ZNF142: variants seen among roughly 807,000 people sequenced by gnomAD.
ZNF142 encodes zinc finger protein 142, also known as zinc finger protein 142 (clone pHZ-49).
In ZNF142, 96 loss-of-function variants were observed where a neutral mutation model predicts 132.1. The observed-to-expected ratio is 0.73, with a 90% confidence interval of 0.62 to 0.86. ZNF142 has a LOEUF of 0.86. Ranked by LOEUF, ZNF142 falls within the 40% of genes least tolerant of loss-of-function variation. The pLI is 0.00. For missense variants in ZNF142, 2,163 were observed against 2,336.2 expected (o/e 0.93, Z 1.53); for synonymous variants, 842 against 890.1 (o/e 0.95, Z 0.96).
Position 218,633,882 on chromosome 2 carries a change from A to G in ZNF142, c.*4457T>C, listed in dbSNP as rs1030922277. The G allele has an allele frequency of 1.0e-5, 13 of 1,295,480 alleles. No homozygotes were observed. Among genetic ancestry groups the G allele is most frequent in the Non-Finnish European group, 1.2e-5 (11 of 924,726 alleles). The allele number at this position is 1,295,480 out of a possible 1,614,324, so 80.2% of individuals were successfully genotyped here. A position where few individuals can be genotyped will look rare whatever the true frequency, so the allele number is the denominator to read the frequency against. On this transcript the variant is annotated 3_prime_UTR_variant, in exon 11 of 11. Transcript: ENST00000411696. ...GCTAAGGAGAGATGAAGGAGTTCAG[A>G]AACTCCTTAGAGCAGACAAGGGCAG...
In ZNF142 at chr2:218,642,638, G is replaced by A; in HGVS notation, c.4478C>T (p.Ala1493Val). The A allele has an allele frequency of 1.9e-6, 3 of 1,614,106 alleles. No individual in the cohort carries two copies. The highest frequency in any genetic ancestry group is 2.5e-6 in the Non-Finnish European group (3 of 1,180,042). ...AAGTGCTGTCTCTGAGCTGAACTGGGCTTCACACTGGGAGCAGGCAAAGGC... is the reference window on the plus strand; with the variant it reads ...AAGTGCTGTCTCTGAGCTGAACTGGACTTCACACTGGGAGCAGGCAAAGGC... ...TPAFACSQCE[A>V]QFSSETALKQ... Residue 1493 changes from alanine to valine, a missense_variant, in exon 9 of 11, where the codon GCC becomes GTC. Physicochemically the swap from Ala to Val is moderately conservative, Grantham distance 64. Around this residue, in one of 7 missense-constraint regions of ZNF142, gnomAD observed 809 missense variants for 801.7 expected, o/e 1.01. Transcript: ENST00000411696. The surrounding 1 kb of genome is among the most constrained non-coding windows in gnomAD (Gnocchi z 4.6).
Position 218,633,941 on chromosome 2 carries a change from G to C in ZNF142, c.*4398C>G. ...TGAATAGTGGCTCAAGGGTCTAGGG[G>C]CAGGAAAGCTGGTCTGGATGGACAG... On this transcript the variant is annotated 3_prime_UTR_variant, in exon 11 of 11. Transcript: ENST00000411696. The C allele has an allele frequency of 3.3e-6, 4 of 1,208,948 alleles. No homozygotes were observed. The highest frequency in any genetic ancestry group is 4.6e-6 in the Non-Finnish European group (4 of 863,708). 74.9% of individuals were successfully genotyped at this position (1,208,948 alleles called of 1,614,324 possible).
In ZNF142 at chr2:218,643,894, G is replaced by C. The variant is rs200060838; in HGVS notation, c.3222C>G (p.Ser1074Arg). Residue 1074 changes from serine (S) to arginine (R), a missense_variant, in exon 9 of 11, where the codon AGC (serine) becomes AGG (arginine). This residue lies in a region of ZNF142 where 809 missense variants were observed against 801.7 expected (regional missense o/e 1.01). Coordinates refer to ENST00000411696, the MANE Select transcript of ZNF142 (RefSeq NM_001379659.1). ...EPLLCPECGA[S>R]FKQQRGLSTH... ...TGCTGAGGCCGCGTTGTTGCTTGAAGCTAGCCCCACACTCGGGGCACAGCA... is the reference window on the plus strand; with the variant it reads ...TGCTGAGGCCGCGTTGTTGCTTGAACCTAGCCCCACACTCGGGGCACAGCA... 110 of 1,614,184 alleles carry C rather than the reference G, an allele frequency of 6.8e-5. No individual in the cohort carries two copies. The highest frequency in any genetic ancestry group is 9.1e-5 in the Non-Finnish European group (107 of 1,180,024).
Position 218,648,814 on chromosome 2 carries a change from CCCTGCTTCT to C in ZNF142, c.1685_1693del (p.Lys562_Gly565delinsSer), listed in dbSNP as rs758648543. 3.7e-6 allele frequency: 6 copies of C among 1,614,050 alleles called. No individual in the cohort carries two copies. The highest frequency in any genetic ancestry group is 5.1e-6 in the Non-Finnish European group (6 of 1,180,024). On this transcript the variant is annotated inframe_deletion, in exon 7 of 11. Transcript: ENST00000411696. ...GCGCAGCTCTTCACTGCCAGGGTGG[CCCTGCTTCT>C]TGTGTTTACGGAATAGGTGCTTATT...
In ZNF142 at chr2:218,633,530, G is replaced by T; in HGVS notation, c.*4809C>A. The stretch of plus-strand genomic sequence containing the variant: ...TGGGGAGGCAGTGGGCAGAGGTTTA[G>T]GTTGGATGGCCATTATCTTCTTCTC... On this transcript the variant is annotated 3_prime_UTR_variant, in exon 11 of 11. Transcript: ENST00000411696. 6.6e-7 allele frequency: 1 copy of T among 1,524,674 alleles called. No individual in the cohort carries two copies. Among genetic ancestry groups the T allele is most frequent in the East Asian group, 2.2e-5 (1 of 44,450 alleles). 94.4% of individuals were successfully genotyped at this position (1,524,674 alleles called of 1,614,324 possible).
chr2:218,646,045 A>G lies in ZNF142; in HGVS notation c.2051+126T>C, dbSNP rs4674320. The G allele has an allele frequency of 0.57, 741,196 of 1,310,808 alleles. 218,219 individuals carry two copies. The highest frequency in any genetic ancestry group is 0.82 in the East Asian group (35,427 of 42,958). 81.2% of individuals were successfully genotyped at this position (1,310,808 alleles called of 1,614,324 possible). A position where few individuals can be genotyped will look rare whatever the true frequency, so the allele number is the denominator to read the frequency against. On this transcript the variant is annotated intron_variant, in intron 8 of 10. Coordinates refer to ENST00000411696, the MANE Select transcript of ZNF142 (RefSeq NM_001379659.1). Reference sequence around the variant, plus strand: ...TGGGATTACAGGTGTGAGCCATTGCACCCGGCCTTAGGAGGAGACTCTCCA... The same window carrying G: ...TGGGATTACAGGTGTGAGCCATTGCGCCCGGCCTTAGGAGGAGACTCTCCA...
Position 218,642,139 on chromosome 2 carries a change from G to C in ZNF142, c.4977C>G (p.Tyr1659Ter). The part of the protein sequence containing the change: ...TRLYKCTDCA[Y>*]STKNRQKITW... ...TGATCTTCTGTCGGTTCTTGGTGCTGTAAGCACAATCGGTGCACTTGTAGA... is the reference window on the plus strand; with the variant it reads ...TGATCTTCTGTCGGTTCTTGGTGCTCTAAGCACAATCGGTGCACTTGTAGA... Residue 1659 changes from tyrosine (Y) to a stop codon, truncating the protein, a stop_gained, in exon 9 of 11, where the codon TAC becomes TAG. Coordinates refer to ENST00000411696, the MANE Select transcript of ZNF142 (RefSeq NM_001379659.1). LOFTEE classifies it high-confidence loss of function. The surrounding 1 kb of genome is among the most constrained non-coding windows in gnomAD (Gnocchi z 4.6). 1 of 1,614,188 alleles carries C rather than the reference G, an allele frequency of 6.2e-7. No homozygotes were observed. The highest frequency in any genetic ancestry group is 1.1e-5 in the South Asian group (1 of 91,088).
In ZNF142 at chr2:218,635,100, C is replaced by T. The variant is rs1559278736; in HGVS notation, c.*3239G>A. 6.6e-6 allele frequency among the ~76,000 whole-genome samples: 1 copy of T among 151,676 alleles called. No individual in the cohort carries two copies. Among genetic ancestry groups the T allele is most frequent in the Non-Finnish European group, 1.5e-5 (1 of 67,936 alleles). ...AATTTTGTAGAGACTCCCGTCTCTA[C>T]AAAAAATTTAAAAATTAGCCTGGCA... is the stretch of plus-strand genomic sequence containing the variant. On this transcript the variant is annotated 3_prime_UTR_variant, in exon 11 of 11. Transcript: ENST00000411696.
At position 218,643,020 on chromosome 2, in the gene ZNF142, C is replaced by T. The variant is rs1484103953; in HGVS notation, c.4096G>A (p.Gly1366Arg). The T allele has an allele frequency of 1.2e-6, 2 of 1,603,780 alleles. No individual in the cohort carries two copies. The highest frequency in any genetic ancestry group is 8.5e-7 in the Non-Finnish European group (1 of 1,174,588). Residue 1366 changes from glycine (G) to arginine (R), a missense_variant, in exon 9 of 11, where the codon GGG (glycine) becomes AGG (arginine). Physicochemically the swap from Gly to Arg is moderately radical, Grantham distance 125. Transcript: ENST00000411696. Reference sequence around the variant, plus strand: ...CCACACTGTAGATGGGGCCGGGGCCCACGGGCTGGGGCTGCAGTGGGGTGC... The same window carrying T: ...CCACACTGTAGATGGGGCCGGGGCCTACGGGCTGGGGCTGCAGTGGGGTGC... ...RRHPTAAPAR[G>R]PRPHLQCGDC...
At chr2:218,657,670 T>A (rs1938639128) in intron 3 of ZNF142, among the ~76,000 whole-genome samples, 1 of 152,126 alleles carries the variant, frequency 6.6e-6, no homozygotes, top group Non-Finnish European at 1.5e-5. Context: ...ACTCAGGTGA[T>A]CCACCTGCCT....
chr2:218,634,308 G>A lies in ZNF142; in HGVS notation c.*4031C>T, dbSNP rs994772432. 126 of 1,571,242 alleles carry A rather than the reference G, an allele frequency of 8.0e-5. No individual in the cohort carries two copies. Among genetic ancestry groups the A allele is most frequent in the Non-Finnish European group, 1.1e-4 (124 of 1,158,266 alleles). The stretch of plus-strand genomic sequence containing the variant: ...TCTAGTGATGGTAGGGTTGGGGAAT[G>A]CTCAAGAAAATTGCTAGGCTGAGAA... On this transcript the variant is annotated 3_prime_UTR_variant, in exon 11 of 11. Coordinates refer to ENST00000411696, the MANE Select transcript of ZNF142 (RefSeq NM_001379659.1). The surrounding 1 kb of genome is among the most constrained non-coding windows in gnomAD (Gnocchi z 4.0).
intron 4 of ZNF142, among the ~76,000 whole-genome samples, chr2:218,655,322 T>C (rs780351696): frequency 6.6e-6 from 1 of 152,188 alleles, no homozygotes; most frequent in Non-Finnish European, 1.5e-5. Context: ...GTCACTATAC[T>C]ACAGTGCCAA....
rs200582262 is a variant in ZNF142 at position 218,643,358 on chromosome 2, C to T, written c.3758G>A (p.Arg1253His). 1.1e-5 allele frequency: 17 copies of T among 1,614,224 alleles called. No individual in the cohort carries two copies. The highest frequency in any genetic ancestry group is 5.3e-5 in the African/African-American group (4 of 75,068). The change falls in exon 9 of 11, where the codon CGT becomes CAT. Residue 1253 changes from arginine to histidine, a missense_variant. Physicochemically the swap from Arg to His is conservative, Grantham distance 29. Transcript: ENST00000411696. Reference protein sequence around the residue: ...SHVAEGCRGGRGGGGKRGTPQ... With the variant: ...SHVAEGCRGGHGGGGKRGTPQ... ...GGTCCCTCGTTTTCCTCCCCCGCCA[C>T]GTCCCCCCCTGCAGCCTTCAGCCAC...
intron 7 of ZNF142, among the ~76,000 whole-genome samples, chr2:218,648,242 T>C (rs7587440): frequency 0.95 from 144,083 of 152,318 alleles, 68,650 homozygotes; most frequent in East Asian, 1. Flanking sequence ...TGCGTGTGGA[T>C]GGCTCAGTCC....
At chr2:218,648,564 C>A in intron 7 of ZNF142, 71 bp downstream of exon 7, 1 of 1,463,128 alleles carries the variant, frequency 6.8e-7, no homozygotes, top group Non-Finnish European at 9.3e-7. Context: ...AAAACGTATG[C>A]AAGACCCTTT....
chr2:218,650,417 G>A lies in ZNF142; in HGVS notation c.990C>T (p.Asp330=). ...CAGCCTTTTGGGAGTCCTTCTGGGT[G>A]TCACTCTTCTCTTCTTTCTCTACAT... ...EENVEKEEKS[D]TQKDSQKAVD... Residue 330 remains aspartate, a synonymous_variant, in exon 6 of 11, where the codon GAC becomes GAT. Transcript: ENST00000411696. 6.2e-7 allele frequency: 1 copy of A among 1,614,186 alleles called. No homozygotes were observed. Among genetic ancestry groups the A allele is most frequent in the Non-Finnish European group, 8.5e-7 (1 of 1,180,026 alleles).
At chr2:218,655,002 T>C (rs1271756075) in intron 4 of ZNF142, among the ~76,000 whole-genome samples, 3 of 152,162 alleles carry the variant, frequency 2.0e-5, no homozygotes, top group Admixed American at 6.5e-5. Flanking sequence ...GGCAAGAGGA[T>C]TGCTTAAGCC....
chr2:218,636,108 C>T lies in ZNF142; in HGVS notation c.*2231G>A, dbSNP rs1575047007. ...AAGCTCCAGTGACCTGGGCAAATTA[C>T]TTGCTTACTCTGAGCCTTTTTCCTT... On this transcript the variant is annotated 3_prime_UTR_variant, in exon 11 of 11. Coordinates refer to ENST00000411696, the MANE Select transcript of ZNF142 (RefSeq NM_001379659.1). 7.3e-7 allele frequency: 1 copy of T among 1,370,640 alleles called. No individual in the cohort carries two copies. Among genetic ancestry groups the T allele is most frequent in the Non-Finnish European group, 1.0e-6 (1 of 987,614 alleles). The allele number at this position is 1,370,640 out of a possible 1,614,324, so 84.9% of individuals were successfully genotyped here.
chr2:218,645,732 G>C (rs985453892), intron 8 of ZNF142, among the ~76,000 whole-genome samples: 3 of 152,214 alleles, frequency 2.0e-5, no homozygotes, highest in African/African-American at 7.2e-5. Flanking sequence ...AGTGGGAACA[G>C]AGAAGGGTGT....
Sources: gnomAD v4.1 joint callset for allele counts (sites outside exome capture counted in the v4.1 genomes callset) on GRCh38, gnomAD v4.1.1 for gene constraint, gnomAD v4.1.1 regional missense constraint, Gnocchi (gnomAD v3.1) non-coding constraint, MANE v1.5 for transcripts, NCBI Gene and HGNC (gene_info 2026-07-23, HGNC 2026-07-21) for gene names.